MPPE1: variants seen among roughly 807,000 people sequenced by gnomAD.
MPPE1 encodes metallo phosphoesterase.
In MPPE1, 28 loss-of-function variants were observed where a neutral mutation model predicts 43.8. The ratio of observed to expected loss-of-function variants is 0.64; its 90% CI spans 0.47 to 0.88. MPPE1 has a LOEUF of 0.88. MPPE1 is among the 40% of genes least tolerant of loss of function. MPPE1 has a pLI of 0.00. For synonymous variants in MPPE1, 159 were observed against 188.5 expected (o/e 0.84, Z 1.28); for missense variants, 428 against 492.2 (o/e 0.87, Z 1.23).
chr18:11,902,324 A>G (rs1441152545), intron 2 of MPPE1: 2 of 152,222 alleles, frequency 1.3e-5, no homozygotes, highest in African/African-American at 4.8e-5. Flanking sequence ...ATGCACCAGT[A>G]TGGTGAAGGG....
chr18:11,908,270 T>TTTC lies in MPPE1; in HGVS notation c.-272_-270dup, dbSNP rs2039910113. The TTTC allele has an allele frequency of 3.3e-5, 5 of 152,258 alleles. No individual in the cohort carries two copies. The South Asian group carries it at 1.0e-3, about 32-fold the overall frequency. The allele number at this position is 152,258 out of a possible 1,614,324, so 9.4% of individuals were successfully genotyped here. A position where few individuals can be genotyped will look rare whatever the true frequency, so the allele number is the denominator to read the frequency against. ...GGAGCACCGGGCGGTGCGGGAGCCC[T>TTTC]TTCACCAGGGCAGGGTGGCTTCGGT... On this transcript the variant is annotated 5_prime_UTR_variant, in exon 1 of 11. Transcript: ENST00000588072.
intron 3 of MPPE1, among the ~76,000 whole-genome samples, chr18:11,895,739 T>C (rs1179036553): frequency 6.6e-6 from 1 of 152,024 alleles, no homozygotes; most frequent in African/African-American, 2.4e-5. Context: ...TTGTTTATTG[T>C]TTTTTTGTAG....
At chr18:11,884,938 C>A in intron 10 of MPPE1, 1 of 1,287,234 alleles carries the variant, frequency 7.8e-7, no homozygotes, top group African/African-American at 1.5e-5. Flanking sequence ...GGATCCATAA[C>A]AGAGATTCAG....
intron 2 of MPPE1, among the ~76,000 whole-genome samples, chr18:11,903,719 T>C (rs1247088316): frequency 6.6e-6 from 1 of 152,138 alleles, no homozygotes; most frequent in African/African-American, 2.4e-5. Context: ...GGCAGGAGAA[T>C]GGCGTGAACC....
intron 1 of MPPE1, among the ~76,000 whole-genome samples, 181 bp from the exon 2 acceptor site, chr18:11,906,490 T>C (rs1253371804): frequency 6.6e-6 from 1 of 152,202 alleles, no homozygotes; most frequent in Non-Finnish European, 1.5e-5. Context: ...CCTGTATTTA[T>C]ATATAAATTA....
At position 11,883,072 on chromosome 18, in the gene MPPE1, C is replaced by CTT. The variant is rs1298329884; in HGVS notation, c.*1371_*1372dup. 1 of 152,114 alleles carries CTT rather than the reference C, an allele frequency of 6.6e-6. No individual in the cohort carries two copies. Among genetic ancestry groups the CTT allele is most frequent in the Non-Finnish European group, 1.5e-5 (1 of 68,024 alleles). 9.4% of individuals were successfully genotyped at this position (152,114 alleles called of 1,614,324 possible). ...TATTACTCTTCTTTTAGTCTTTAGT[C>CTT]TTTAATATTTTAAAGTTTACTCTAT... On this transcript the variant is annotated 3_prime_UTR_variant, in exon 11 of 11. Coordinates refer to ENST00000588072, the MANE Select transcript of MPPE1 (RefSeq NM_023075.6).
chr18:11,888,661 A>G lies in MPPE1; in HGVS notation c.569+8T>C. ...AAGGTCTTGGAAGAATTTACAAATA[A>G]TACTCACTTAATGCCTTTCCAAGAA... On this transcript the variant is annotated splice_region_variant and intron_variant, in intron 6 of 10. Coordinates refer to ENST00000588072, the MANE Select transcript of MPPE1 (RefSeq NM_023075.6). The G allele has an allele frequency of 1.3e-6, 2 of 1,567,438 alleles. No individual in the cohort carries two copies. Among genetic ancestry groups the G allele is most frequent in the Non-Finnish European group, 1.7e-6 (2 of 1,149,586 alleles).
chr18:11,906,583 G>A (rs1388563235), intron 1 of MPPE1, among the ~76,000 whole-genome samples: 19 of 152,094 alleles, frequency 1.2e-4, no homozygotes, highest in African/African-American at 2.9e-4. Flanking sequence ...TAGGCTGGGC[G>A]CAGTGGCTCA....
chr18:11,883,157 A>G lies in MPPE1; in HGVS notation c.*1288T>C, dbSNP rs1425824640. 1 of 134,370 alleles carries G rather than the reference A, an allele frequency of 7.4e-6. No individual in the cohort carries two copies. The highest frequency in any genetic ancestry group is 3.4e-5 in the African/African-American group (1 of 29,062). 8.3% of individuals were successfully genotyped at this position (134,370 alleles called of 1,614,324 possible). The stretch of plus-strand genomic sequence containing the variant: ...CAGATTTAAATGCTACTTTTTCATG[A>G]AGAAAGGATAACTTTATAGACAGTC... On this transcript the variant is annotated 3_prime_UTR_variant, in exon 11 of 11. Transcript: ENST00000588072.
intron 1 of MPPE1, among the ~76,000 whole-genome samples, chr18:11,906,691 A>G (rs1212887388): frequency 6.6e-6 from 1 of 151,976 alleles, no homozygotes; most frequent in Non-Finnish European, 1.5e-5. Context: ...CCCCGTCTCT[A>G]CTAAAAATAC....
chr18:11,885,066 C>T (rs779141061), intron 10 of MPPE1: 5 of 1,288,204 alleles, frequency 3.9e-6, no homozygotes, highest in South Asian at 2.5e-5. Flanking sequence ...GTGTCCAGGT[C>T]GTCTCCATGG....
At chr18:11,892,671 CAAA>C (rs1223284738) in intron 4 of MPPE1, among the ~76,000 whole-genome samples, 1 of 116,334 alleles carries the variant, frequency 8.6e-6, no homozygotes, top group Non-Finnish European at 1.8e-5. Flanking sequence ...AACTCCATCT[CAAA>C]AAAAAAAAAA....
chr18:11,891,401 G>A (rs933990538), intron 4 of MPPE1: 1 of 152,114 alleles, frequency 6.6e-6, no homozygotes, highest in African/African-American at 2.4e-5. Flanking sequence ...TTGAACCAGG[G>A]AGGCAGAGGT....
At chr18:11,891,148 A>G (rs1295559193) in intron 4 of MPPE1, 1 of 152,236 alleles carries the variant, frequency 6.6e-6, no homozygotes, top group East Asian at 1.9e-4. Context: ...CCTTGAATAC[A>G]TTTACAAAGA....
chr18:11,898,002 T>C (rs1218859912), intron 2 of MPPE1, among the ~76,000 whole-genome samples: 1 of 152,188 alleles, frequency 6.6e-6, no homozygotes. Flanking sequence ...CCTTGGTCAT[T>C]CCTGGATATA....
In MPPE1 at chr18:11,884,390, T is replaced by A. The variant is rs189816391; in HGVS notation, c.*55A>T. ...CATCATCCACTTGATTCTAACATGA[T>A]CTCTGCCCAAAGTTCCATTTCTTGG... On this transcript the variant is annotated 3_prime_UTR_variant, in exon 11 of 11. Transcript: ENST00000588072. The A allele has an allele frequency of 2.6e-5, 40 of 1,561,548 alleles. No individual in the cohort carries two copies. Among genetic ancestry groups the A allele is most frequent in the Non-Finnish European group, 3.3e-5 (38 of 1,138,326 alleles).
At chr18:11,902,677 T>C (rs1312755521) in intron 2 of MPPE1, 1 of 152,202 alleles carries the variant, frequency 6.6e-6, no homozygotes, top group Non-Finnish European at 1.5e-5. Context: ...GAATGACACC[T>C]TGATAATTCC....
intron 4 of MPPE1, among the ~76,000 whole-genome samples, chr18:11,890,162 G>C (rs529825766): frequency 7.1e-6 from 1 of 139,884 alleles, no homozygotes; most frequent in Non-Finnish European, 1.6e-5. Flanking sequence ...CAGGATGGTC[G>C]CGATCTCCTG....
intron 10 of MPPE1, 153 bp from the exon 11 acceptor site, chr18:11,884,780 C>T: frequency 7.4e-7 from 1 of 1,346,818 alleles, no homozygotes; most frequent in Non-Finnish European, 9.8e-7. Flanking sequence ...GGGGCCCAGC[C>T]TTCTCCCTGC....
Sources: allele counts gnomAD v4.1 joint callset (sites outside exome capture counted in the v4.1 genomes callset), GRCh38; gene constraint gnomAD v4.1.1; transcripts MANE v1.5; gene names NCBI Gene and HGNC (gene_info 2026-07-23, HGNC 2026-07-21).